Variants in B3GALT1 observed in about 807,000 individuals in gnomAD.
The protein encoded by B3GALT1 is beta-1,3-galactosyltransferase 1, also known as UDP-Gal:betaGlcNAc beta 1,3-galactosyltransferase, polypeptide 1.
Under a neutral mutation model 23.2 loss-of-function variants are expected in B3GALT1, and 10 were observed. The observed-to-expected ratio is 0.43, with a 90% CI of 0.27 to 0.73. The LOEUF (loss-of-function observed/expected upper bound fraction) is 0.73, where lower values mean the gene tolerates loss of function less well. B3GALT1 is among the 30% of genes least tolerant of loss of function. The pLI is 0.21. For synonymous variants in B3GALT1, 156 were observed against 141.5 expected (o/e 1.10, Z -0.73); for missense variants, 299 against 405.4 (o/e 0.74, Z 2.25).
chr2:167,478,256 TTA>T (rs1699514291), intron 1 of B3GALT1, among the ~76,000 whole-genome samples: 1 of 152,202 alleles, frequency 6.6e-6, no homozygotes, highest in African/African-American at 2.4e-5. Flanking sequence ...TCCCAATCCT[TTA>T]TAATCCTAAA....
intron 3 of B3GALT1, among the ~76,000 whole-genome samples, chr2:167,792,312 T>C (rs143625533): frequency 2.6e-5 from 4 of 152,302 alleles, no homozygotes; most frequent in Non-Finnish European, 4.4e-5. Flanking sequence ...GATCACTAGA[T>C]TGCATATTAC....
rs1045027756 is a variant in B3GALT1, at chr2:167,349,362, T to G, written c.-511+56028T>G. Reference sequence around the variant, plus strand: ...ATCTGTTGCTGCAGTATTTCAGTGCTTGTGTTTCAAGTAACCTTTATTTTA... The same window carrying G: ...ATCTGTTGCTGCAGTATTTCAGTGCGTGTGTTTCAAGTAACCTTTATTTTA... On this transcript the variant is annotated intron_variant, in intron 1 of 4. Transcript: ENST00000392690. Among the ~76,000 whole-genome samples the G allele has an allele frequency of 3.3e-5, 5 of 152,286 alleles. No individual in the cohort carries two copies. In the South Asian group the frequency reaches 1.0e-3, roughly 32 times the overall value.
At chr2:167,623,182 T>G (rs1025037650) in intron 2 of B3GALT1, among the ~76,000 whole-genome samples, 1 of 151,734 alleles carries the variant, frequency 6.6e-6, no homozygotes, top group African/African-American at 2.4e-5. Flanking sequence ...GAGTTGCAAA[T>G]TAACTCAACC....
chr2:167,594,428 G>T (rs1684741405), intron 2 of B3GALT1, among the ~76,000 whole-genome samples: 1 of 152,134 alleles, frequency 6.6e-6, no homozygotes, highest in Admixed American at 6.5e-5. Flanking sequence ...TCACCATAGA[G>T]GATTACTAAA....
chr2:167,536,580 C>G (rs1274268323), intron 2 of B3GALT1, among the ~76,000 whole-genome samples: 2 of 152,172 alleles, frequency 1.3e-5, no homozygotes, highest in Non-Finnish European at 1.5e-5. Flanking sequence ...TTCCTGCTCT[C>G]CATTCTCTAT....
intron 4 of B3GALT1, among the ~76,000 whole-genome samples, chr2:167,846,172 C>T (rs184184284): frequency 6.6e-6 from 1 of 152,216 alleles, no homozygotes. Flanking sequence ...AGCTTGGAAA[C>T]CATGTTTGGG....
intron 3 of B3GALT1, among the ~76,000 whole-genome samples, chr2:167,782,316 A>C (rs1484099513): frequency 6.6e-6 from 1 of 152,142 alleles, no homozygotes; most frequent in Non-Finnish European, 1.5e-5. Flanking sequence ...ACATCCCTGC[A>C]TGGGTCTGGG....
At chr2:167,311,532 G>A (rs1053312651) in intron 1 of B3GALT1, among the ~76,000 whole-genome samples, 22 of 151,698 alleles carry the variant, frequency 1.5e-4, no homozygotes, top group Admixed American at 2.6e-4. Flanking sequence ...AGATGCACCA[G>A]GACTTAAAAT....
intron 1 of B3GALT1, among the ~76,000 whole-genome samples, chr2:167,457,739 A>C (rs189015289): frequency 6.6e-6 from 1 of 152,128 alleles, no homozygotes; most frequent in East Asian, 1.9e-4. Context: ...ATTTGGTGTT[A>C]CTCTGAGTAA....
chr2:167,401,614 A>C (rs1028670788), intron 1 of B3GALT1, among the ~76,000 whole-genome samples: 25 of 152,138 alleles, frequency 1.6e-4, no homozygotes, highest in African/African-American at 6.0e-4. Flanking sequence ...ATCCATATCA[A>C]GTTCTCTGAG....
At chr2:167,521,106 C>T (rs1700180935) in intron 2 of B3GALT1, among the ~76,000 whole-genome samples, 3 of 152,010 alleles carry the variant, frequency 2.0e-5, no homozygotes, top group Admixed American at 2.0e-4. Flanking sequence ...AGCATTGTCT[C>T]CATAATCTTT....
intron 2 of B3GALT1, among the ~76,000 whole-genome samples, chr2:167,520,106 A>G (rs1349463598): frequency 6.6e-6 from 1 of 152,014 alleles, no homozygotes; most frequent in African/African-American, 2.4e-5. Flanking sequence ...ATACATAAAG[A>G]TACTTTGAAA....
chr2:167,371,150 G>C (rs894582352), intron 1 of B3GALT1, among the ~76,000 whole-genome samples: 1 of 151,600 alleles, frequency 6.6e-6, no homozygotes, highest in African/African-American at 2.4e-5. Context: ...GAATATCAGA[G>C]CTTCTTTACA....
At chr2:167,770,357 A>G (rs968326973) in intron 3 of B3GALT1, among the ~76,000 whole-genome samples, 1 of 152,194 alleles carries the variant, frequency 6.6e-6, no homozygotes, top group East Asian at 1.9e-4. Flanking sequence ...CTTAAAGACT[A>G]ATGAAATTGG....
intron 3 of B3GALT1, among the ~76,000 whole-genome samples, chr2:167,660,739 G>T (rs1686045957): frequency 6.6e-6 from 1 of 152,038 alleles, no homozygotes; most frequent in African/African-American, 2.4e-5. Flanking sequence ...TTGAATGTAG[G>T]ATGCACTGAT....
chr2:167,624,276 C>T (rs1685305843), intron 2 of B3GALT1, among the ~76,000 whole-genome samples: 1 of 152,018 alleles, frequency 6.6e-6, no homozygotes, highest in Non-Finnish European at 1.5e-5. Context: ...AAATTCTAAT[C>T]TTAGACCCCC....
At chr2:167,807,300 G>A (rs564755746) in intron 3 of B3GALT1, among the ~76,000 whole-genome samples, 1 of 151,998 alleles carries the variant, frequency 6.6e-6, no homozygotes, top group East Asian at 1.9e-4. Flanking sequence ...AGGGTTTTTT[G>A]TGTCTCTATT....
chr2:167,589,862 T>G (rs913473354), intron 2 of B3GALT1, among the ~76,000 whole-genome samples: 1 of 152,158 alleles, frequency 6.6e-6, no homozygotes, highest in East Asian at 1.9e-4. Context: ...CTTTGAATAA[T>G]AAGAAGCTCA....
chr2:167,555,140 TCA>T (rs1683820511), intron 2 of B3GALT1, among the ~76,000 whole-genome samples: 1 of 152,190 alleles, frequency 6.6e-6, no homozygotes, highest in Non-Finnish European at 1.5e-5. Flanking sequence ...CTTTTCAAAG[TCA>T]CAGTTTCTAT....
Sources: gnomAD v4.1 joint callset for allele counts (sites outside exome capture counted in the v4.1 genomes callset) on GRCh38, gnomAD v4.1.1 for gene constraint, MANE v1.5 for transcripts, NCBI Gene and HGNC (gene_info 2026-07-23, HGNC 2026-07-21) for gene names.